Variants in SP100 observed in about 807,000 individuals in gnomAD.
SP100 encodes SP100 nuclear body protein.
A neutral mutation model predicts 130.0 loss-of-function variants in SP100; 84 were observed. That is an observed-to-expected ratio of 0.65 (90% CI 0.54 to 0.77). The LOEUF is 0.77. SP100 is among the 30% of genes least tolerant of loss of function. The probability of loss-of-function intolerance (pLI) is 0.00; values close to 1 mark genes in which losing one functional copy is unlikely to be tolerated. For missense variants in SP100, 978 were observed against 1,052.2 expected (o/e 0.93, Z 0.97); for synonymous variants, 331 against 351.7 (o/e 0.94, Z 0.66).
chr2:230,469,495 C>T (rs769901956), intron 14 of SP100: 1 of 462,668 alleles, frequency 2.2e-6, no homozygotes, highest in Non-Finnish European at 4.3e-6. Context: ...GCGTAAGAAA[C>T]AACGTTGTCC....
chr2:230,454,812 A>T (rs1329637319), intron 8 of SP100, among the ~76,000 whole-genome samples: 1 of 152,140 alleles, frequency 6.6e-6, no homozygotes, highest in Non-Finnish European at 1.5e-5. Flanking sequence ...GGTCTAAAGT[A>T]TAGTTTAAGT....
chr2:230,425,626 C>A (rs1283598284), intron 2 of SP100, among the ~76,000 whole-genome samples: 1 of 152,120 alleles, frequency 6.6e-6, no homozygotes, highest in Non-Finnish European at 1.5e-5. Flanking sequence ...AGTAAGTGAT[C>A]ATTTTAGTGT....
intron 2 of SP100, among the ~76,000 whole-genome samples, chr2:230,431,043 T>C (rs2063084096): frequency 6.6e-6 from 1 of 152,194 alleles, no homozygotes; most frequent in Non-Finnish European, 1.5e-5. Context: ...CCAAGCTACT[T>C]AGAACTGCTG....
intron 5 of SP100, among the ~76,000 whole-genome samples, chr2:230,448,065 C>G (rs539166010): frequency 6.6e-6 from 1 of 152,228 alleles, no homozygotes; most frequent in South Asian, 2.1e-4. Context: ...GGAGCTCTGG[C>G]CAGGAGCAGG....
chr2:230,465,617 G>A (rs1225879269), intron 11 of SP100, among the ~76,000 whole-genome samples: 1 of 152,106 alleles, frequency 6.6e-6, no homozygotes, highest in Non-Finnish European at 1.5e-5. Flanking sequence ...GGAGGGAGAG[G>A]AGAAGAAAAG....
intron 17 of SP100, 139 bp from the exon 18 acceptor site, chr2:230,494,277 G>A: frequency 4.4e-6 from 3 of 681,752 alleles, no homozygotes; most frequent in South Asian, 1.6e-5. Context: ...AACCAAGATG[G>A]GATGTTGGTG....
chr2:230,498,587 C>T (rs773183421), intron 19 of SP100, 52 bp downstream of exon 19: 10 of 1,021,306 alleles, frequency 9.8e-6, no homozygotes, highest in South Asian at 2.4e-5. Flanking sequence ...TTCTCATGCT[C>T]TTAGTAAGAA....
intron 24 of SP100, among the ~76,000 whole-genome samples, chr2:230,517,882 C>T (rs950320369): frequency 4.0e-5 from 6 of 151,826 alleles, no homozygotes; most frequent in Non-Finnish European, 8.8e-5. Flanking sequence ...CATAGGGGAC[C>T]AAATTTTTTG....
At chr2:230,449,235 T>C in intron 6 of SP100, 85 bp downstream of exon 6, 2 of 1,346,722 alleles carry the variant, frequency 1.5e-6, no homozygotes, top group South Asian at 2.3e-5. Flanking sequence ...TTTGTGTTAA[T>C]GATTGTCCAG....
intron 14 of SP100, 34 bp from the exon 15 acceptor site, chr2:230,469,981 T>C: frequency 6.3e-7 from 1 of 1,595,842 alleles, no homozygotes; most frequent in Non-Finnish European, 8.6e-7. Flanking sequence ...AGACTCAGAC[T>C]AAGACTGTTA....
rs1231151211 is a variant in SP100, at chr2:230,540,956, C to G, written c.2291C>G (p.Ser764Cys). The part of the protein sequence containing the change: ...CPESQSGHQE[S>C]EVLMRQMLPE... ...GAAAGCCAATCAGGTCATCAGGAAT[C>G]TGAAGTCCTGATGAGGCAGATGCTG... The change falls in exon 26 of 29, where the codon TCT becomes TGT. Residue 764 changes from serine to cysteine, a missense_variant. Coordinates refer to ENST00000340126, the MANE Select transcript of SP100 (RefSeq NM_001080391.2). 2 of 1,613,424 alleles carry G rather than the reference C, an allele frequency of 1.2e-6. No individual in the cohort carries two copies.
At chr2:230,416,444 G>A in intron 1 of SP100, 116 bp downstream of exon 1, 1 of 847,480 alleles carries the variant, frequency 1.2e-6, no homozygotes, top group Non-Finnish European at 1.9e-6. Context: ...AAGAACATAG[G>A]TATGCGATGT....
At chr2:230,479,473 C>G (rs1008371924) in intron 17 of SP100, among the ~76,000 whole-genome samples, 2 of 152,176 alleles carry the variant, frequency 1.3e-5, no homozygotes, top group African/African-American at 4.8e-5. Flanking sequence ...TCACGCTTCC[C>G]TTTTTATTGT....
chr2:230,462,840 A>G (rs2064731060), intron 10 of SP100, among the ~76,000 whole-genome samples: 2 of 152,222 alleles, frequency 1.3e-5, no homozygotes, highest in Admixed American at 1.3e-4. Flanking sequence ...CTATGCCTAT[A>G]TAGTGTTAGA....
Position 230,449,729 on chromosome 2 carries a change from G to A in SP100, c.736+19G>A, listed in dbSNP as rs1294330036. On this transcript the variant is annotated intron_variant, in intron 7 of 28. Transcript: ENST00000340126. ...CCAACAGGTAAGACTGACTGGGTTGGCATGAATGGGGAGGAGCCAAGGGGC... is the reference window on the plus strand; with the variant it reads ...CCAACAGGTAAGACTGACTGGGTTGACATGAATGGGGAGGAGCCAAGGGGC... The A allele has an allele frequency of 6.2e-7, 1 of 1,613,772 alleles. No individual in the cohort carries two copies. Among genetic ancestry groups the A allele is most frequent in the South Asian group, 1.1e-5 (1 of 91,032 alleles).
chr2:230,541,150 C>G, intron 26 of SP100, 151 bp from the exon 27 acceptor site: 1 of 1,243,088 alleles, frequency 8.0e-7, no homozygotes, highest in Non-Finnish European at 1.1e-6. Context: ...ATTCATATTC[C>G]AAAGAAAAAT....
chr2:230,431,612 A>G (rs2063102424), intron 2 of SP100, among the ~76,000 whole-genome samples: 1 of 152,164 alleles, frequency 6.6e-6, no homozygotes, highest in Non-Finnish European at 1.5e-5. Context: ...TCTTAGTGAC[A>G]TCCCATCCTG....
chr2:230,467,274 A>C (rs1001574434), intron 13 of SP100, 59 bp downstream of exon 13: 4 of 1,208,694 alleles, frequency 3.3e-6, no homozygotes, highest in Non-Finnish European at 4.9e-6. Flanking sequence ...TCCCTGATGC[A>C]CTGTGCTCTG....
intron 14 of SP100, chr2:230,469,751 T>TCA: frequency 7.6e-7 from 1 of 1,314,528 alleles, no homozygotes; most frequent in South Asian, 1.3e-5. Context: ...AATGGATGAT[T>TCA]TATAATAAAT....
Sources: gnomAD v4.1 joint callset for allele counts (sites outside exome capture counted in the v4.1 genomes callset) on GRCh38, gnomAD v4.1.1 for gene constraint, MANE v1.5 for transcripts, NCBI Gene and HGNC (gene_info 2026-07-23, HGNC 2026-07-21) for gene names.